PARPBP: variants seen among roughly 807,000 people sequenced by gnomAD.
The protein encoded by PARPBP is PCNA-interacting partner.
Under a neutral mutation model 50.0 loss-of-function variants are expected in PARPBP, and 52 were observed. The ratio of observed to expected loss-of-function variants is 1.04; its 90% CI spans 0.83 to 1.31. The LOEUF (loss-of-function observed/expected upper bound fraction) is 1.31. Ranked by LOEUF, PARPBP falls within the 50% of genes most tolerant of loss-of-function variation. The pLI is 0.00. For missense variants in PARPBP, 697 were observed against 672.0 expected (o/e 1.04, Z -0.41); for synonymous variants, 244 against 232.1 (o/e 1.05, Z -0.47).
rs1385951133 is a variant in PARPBP, at chr12:102,197,111, G to T, written c.*820G>T. The T allele has an allele frequency of 6.2e-7, 1 of 1,612,206 alleles. No homozygotes were observed. Among genetic ancestry groups the T allele is most frequent in the South Asian group, 1.1e-5 (1 of 91,024 alleles). On this transcript the variant is annotated 3_prime_UTR_variant, in exon 11 of 11. Transcript: ENST00000327680. Reference sequence around the variant, plus strand: ...ACAGATCCTTTTAGTGCAAGATAAGGTTTTATAGCCAGATTCAGTGGCAGA... The same window carrying T: ...ACAGATCCTTTTAGTGCAAGATAAGTTTTTATAGCCAGATTCAGTGGCAGA...
chr12:102,151,462 G>A (rs1270884407), intron 3 of PARPBP: 1 of 728,324 alleles, frequency 1.4e-6, no homozygotes, highest in Non-Finnish European at 2.3e-6. Flanking sequence ...ATGGTCCTTA[G>A]TTGGAGCCTG....
chr12:102,172,340 C>G (rs1888842840), intron 6 of PARPBP, among the ~76,000 whole-genome samples: 1 of 152,214 alleles, frequency 6.6e-6, no homozygotes, highest in Non-Finnish European at 1.5e-5. Context: ...TTCAGTAGTT[C>G]ATTGTATCAT....
intron 9 of PARPBP, among the ~76,000 whole-genome samples, chr12:102,194,151 T>A (rs1891049861): frequency 6.6e-6 from 1 of 152,028 alleles, no homozygotes; most frequent in Non-Finnish European, 1.5e-5. Flanking sequence ...ACTGCCATTG[T>A]CTTTACAAAC....
At chr12:102,160,754 G>C (rs1594556355) in intron 4 of PARPBP, among the ~76,000 whole-genome samples, 1 of 152,042 alleles carries the variant, frequency 6.6e-6, no homozygotes, top group African/African-American at 2.4e-5. Flanking sequence ...TTTGACACCA[G>C]CCTGACCAAC....
intron 2 of PARPBP, among the ~76,000 whole-genome samples, chr12:102,128,286 C>T (rs532652906): frequency 3.8e-4 from 58 of 152,296 alleles, no homozygotes; most frequent in African/African-American, 1.4e-3. Context: ...TGCTGGAGTG[C>T]AGTGGTGCAA....
intron 3 of PARPBP, chr12:102,152,111 C>CT: frequency 2.0e-5 from 6 of 302,370 alleles, no homozygotes; most frequent in Non-Finnish European, 3.2e-5. Context: ...CTGCTGCTTC[C>CT]TCGCTCCTCT....
chr12:102,185,509 T>C (rs1890219840), intron 9 of PARPBP, among the ~76,000 whole-genome samples: 1 of 152,210 alleles, frequency 6.6e-6, no homozygotes, highest in African/African-American at 2.4e-5. Flanking sequence ...GGTTTTGGTA[T>C]TGGTAATACT....
intron 3 of PARPBP, chr12:102,152,013 A>G (rs1328289811): frequency 7.6e-6 from 4 of 527,316 alleles, no homozygotes; most frequent in Non-Finnish European, 1.3e-5. Context: ...ATTTTTGTAA[A>G]TATTTGCATC....
Position 102,184,435 on chromosome 12 carries a change from A to C in PARPBP, c.1263+1808A>C, listed in dbSNP as rs145316198. Among the ~76,000 whole-genome samples, 1,078 of 152,330 alleles carry C rather than the reference A, an allele frequency of 7.1e-3. 13 individuals carry two copies. The highest frequency in any genetic ancestry group is 0.024 in the African/African-American group (1,015 of 41,580). On this transcript the variant is annotated intron_variant, in intron 9 of 10. Transcript: ENST00000327680. Reference sequence around the variant, plus strand: ...AAATGTTAAGGCTCAACTAATTACTACGAAACGTATAGACAAATTTAGAAA... The same window carrying C: ...AAATGTTAAGGCTCAACTAATTACTCCGAAACGTATAGACAAATTTAGAAA...
intron 6 of PARPBP, among the ~76,000 whole-genome samples, chr12:102,167,841 A>G (rs1410174170): frequency 6.6e-6 from 1 of 152,100 alleles, no homozygotes; most frequent in Non-Finnish European, 1.5e-5. Context: ...GTGGGAGAGA[A>G]GCACTAGACT....
intron 6 of PARPBP, among the ~76,000 whole-genome samples, chr12:102,171,725 G>T (rs1027125735): frequency 6.6e-6 from 1 of 152,004 alleles, no homozygotes; most frequent in Non-Finnish European, 1.5e-5. Context: ...AATTAGCCAG[G>T]TGTGGTGGTG....
At position 102,192,852 on chromosome 12, in the gene PARPBP, T is replaced by TA. The variant is rs917119138; in HGVS notation, c.1264-2451dup. Among the ~76,000 whole-genome samples, 288 of 150,704 alleles carry TA rather than the reference T, an allele frequency of 1.9e-3. 1 individual carries two copies. The highest frequency in any genetic ancestry group is 6.3e-3 in the African/African-American group (260 of 41,152). ...TGGAACTTAATAAGTGGTAATTGAT[T>TA]AAAAAAAAAGAGATTTTTGTACAGG... On this transcript the variant is annotated intron_variant, in intron 9 of 10. Transcript: ENST00000327680.
chr12:102,170,699 A>G (rs1301159039), intron 6 of PARPBP, among the ~76,000 whole-genome samples: 2 of 152,214 alleles, frequency 1.3e-5, no homozygotes, highest in Non-Finnish European at 2.9e-5. Context: ...AAATTTATAG[A>G]GCAAATATTT....
At chr12:102,186,859 G>T (rs1165036775) in intron 9 of PARPBP, among the ~76,000 whole-genome samples, 2 of 152,168 alleles carry the variant, frequency 1.3e-5, no homozygotes, top group Non-Finnish European at 2.9e-5. Flanking sequence ...ACATGGAGCT[G>T]TTGGGACAGT....
intron 2 of PARPBP, among the ~76,000 whole-genome samples, chr12:102,137,120 A>G (rs921286594): frequency 6.6e-6 from 1 of 151,822 alleles, no homozygotes; most frequent in African/African-American, 2.4e-5. Context: ...CGCCTAGCTA[A>G]TTTTTTGTAT....
chr12:102,139,287 T>A (rs774053851), intron 2 of PARPBP, among the ~76,000 whole-genome samples: 9 of 152,168 alleles, frequency 5.9e-5, no homozygotes, highest in African/African-American at 1.7e-4. Flanking sequence ...TGGCTCTCTG[T>A]CTGTGATTGG....
Position 102,124,002 on chromosome 12 carries a change from C to T in PARPBP, c.114C>T (p.Leu38=). The change falls in exon 2 of 11, where the codon CTC becomes CTT. Residue 38 remains leucine (L), a synonymous_variant. Transcript: ENST00000327680. Reference sequence around the variant, plus strand: ...CTCTATGTGGTGCAGACTCCATGCTCTTGGCATTGCAGCTTTCTATGGCGG... The same window carrying T: ...CTCTATGTGGTGCAGACTCCATGCTTTTGGCATTGCAGCTTTCTATGGCGG... ...RTTLCGADSM[L]LALQLSMAEN... The T allele has an allele frequency of 6.5e-7, 1 of 1,535,106 alleles. No homozygotes were observed. The highest frequency in any genetic ancestry group is 8.7e-7 in the Non-Finnish European group (1 of 1,146,092).
Position 102,164,594 on chromosome 12 carries a change from A to G in PARPBP, c.652A>G (p.Met218Val). 1 of 1,613,446 alleles carries G rather than the reference A, an allele frequency of 6.2e-7. No homozygotes were observed. The highest frequency in any genetic ancestry group is 8.5e-7 in the Non-Finnish European group (1 of 1,179,518). ...GAAACATGCTGCTCGAGAGAAACAA[A>G]TGTCTATCTTTTTGGTATGGTTGTG... ...DLKHAAREKQ[M>V]SIFLVATSFI... Residue 218 changes from methionine to valine, a missense_variant, in exon 5 of 11, where the codon ATG (methionine) becomes GTG (valine). Coordinates refer to ENST00000327680, the MANE Select transcript of PARPBP (RefSeq NM_017915.5).
chr12:102,152,257 A>C (rs905196777), intron 3 of PARPBP, among the ~76,000 whole-genome samples: 1 of 152,198 alleles, frequency 6.6e-6, no homozygotes, highest in African/African-American at 2.4e-5. Context: ...AATATAGTCT[A>C]AGTCCATCTA....
Sources: gnomAD v4.1 joint callset for allele counts (sites outside exome capture counted in the v4.1 genomes callset) on GRCh38, gnomAD v4.1.1 for gene constraint, MANE v1.5 for transcripts, NCBI Gene and HGNC (gene_info 2026-07-23, HGNC 2026-07-21) for gene names.